L3MBTL4: variants seen among roughly 807,000 people sequenced by gnomAD.
L3MBTL4 encodes L3MBTL histone methyl-lysine binding protein 4.
A neutral mutation model predicts 84.5 loss-of-function variants in L3MBTL4; 70 were observed. The observed-to-expected ratio is 0.83, with a 90% CI of 0.68 to 1.01. L3MBTL4 has a LOEUF of 1.01. Among genes scored for constraint, L3MBTL4 ranks in the 50% least tolerant of loss-of-function variants. L3MBTL4 has a pLI of 0.00. For synonymous variants in L3MBTL4, 274 were observed against 259.8 expected, an observed-to-expected ratio of 1.05 and a Z score of -0.52; for missense variants, 715 against 754.8, an observed-to-expected ratio of 0.95 and a Z score of 0.62.
intron 5 of L3MBTL4, among the ~76,000 whole-genome samples, chr18:6,258,049 G>A (rs1161496295): frequency 1.3e-5 from 2 of 152,198 alleles, no homozygotes. Context: ...AAAGGATGCA[G>A]AGCACAGGTG....
At chr18:6,196,613 T>C (rs2045408762) in intron 12 of L3MBTL4, among the ~76,000 whole-genome samples, 1 of 152,204 alleles carries the variant, frequency 6.6e-6, no homozygotes, top group Non-Finnish European at 1.5e-5. Flanking sequence ...CATGGGGCTA[T>C]CTATCCAAAA....
At chr18:6,376,191 C>T (rs1266677376) in intron 1 of L3MBTL4, among the ~76,000 whole-genome samples, 1 of 152,182 alleles carries the variant, frequency 6.6e-6, no homozygotes, top group African/African-American at 2.4e-5. Flanking sequence ...CTCCTCAGCA[C>T]CTGTGCACTC....
chr18:6,281,894 C>T (rs1340024616), intron 4 of L3MBTL4, among the ~76,000 whole-genome samples: 1 of 152,128 alleles, frequency 6.6e-6, no homozygotes, highest in African/African-American at 2.4e-5. Flanking sequence ...CTTTAGATAA[C>T]TTGATGCTTA....
At chr18:6,091,708 C>T (rs965175630) in intron 15 of L3MBTL4, among the ~76,000 whole-genome samples, 3 of 152,124 alleles carry the variant, frequency 2.0e-5, no homozygotes, top group African/African-American at 7.2e-5. Context: ...GCTTAGCTAA[C>T]CTCTGAGAGC....
intron 12 of L3MBTL4, among the ~76,000 whole-genome samples, chr18:6,173,263 C>A (rs1458440937): frequency 6.6e-6 from 1 of 152,106 alleles, no homozygotes; most frequent in Non-Finnish European, 1.5e-5. Context: ...TATTTTCGGA[C>A]ATCGGACAAT....
intron 10 of L3MBTL4, among the ~76,000 whole-genome samples, chr18:6,234,776 A>C (rs1289856387): frequency 6.6e-6 from 1 of 151,714 alleles, no homozygotes; most frequent in Non-Finnish European, 1.5e-5. Context: ...TCAAGGATCT[A>C]GAACTAGAAA....
intron 2 of L3MBTL4, 93 bp downstream of exon 2, chr18:6,311,905 G>T: frequency 3.2e-6 from 1 of 311,416 alleles, no homozygotes; most frequent in Non-Finnish European, 6.1e-6. Flanking sequence ...TATTGCTTTT[G>T]GTCTTATCTG....
chr18:6,100,509 C>G (rs1458728715), intron 14 of L3MBTL4, among the ~76,000 whole-genome samples: 2 of 152,186 alleles, frequency 1.3e-5, no homozygotes, highest in Non-Finnish European at 2.9e-5. Flanking sequence ...TTTTCTCACT[C>G]AAGTTGAAAT....
chr18:6,360,621 A>C (rs377113308), intron 1 of L3MBTL4, among the ~76,000 whole-genome samples: 65 of 152,312 alleles, frequency 4.3e-4, no homozygotes, highest in African/African-American at 1.5e-3. Context: ...TCAAATCATA[A>C]TCCCCAATGT....
chr18:6,015,967 A>C (rs1391831290), intron 16 of L3MBTL4, among the ~76,000 whole-genome samples: 1 of 152,190 alleles, frequency 6.6e-6, no homozygotes, highest in Non-Finnish European at 1.5e-5. Flanking sequence ...CTCAAAAATA[A>C]AAAAGAAAAA....
chr18:6,044,993 A>G (rs2056552198), intron 16 of L3MBTL4, among the ~76,000 whole-genome samples: 2 of 152,352 alleles, frequency 1.3e-5, no homozygotes, highest in South Asian at 4.1e-4. Context: ...TCTAGCTGAC[A>G]ACCACCACTA....
chr18:6,091,377 T>C (rs1400130840), intron 15 of L3MBTL4, among the ~76,000 whole-genome samples: 2 of 152,218 alleles, frequency 1.3e-5, no homozygotes, highest in Non-Finnish European at 2.9e-5. Flanking sequence ...GATATTGGAA[T>C]GCAAGGATGG....
chr18:6,169,048 C>T (rs1365370992), intron 13 of L3MBTL4, among the ~76,000 whole-genome samples: 1 of 152,144 alleles, frequency 6.6e-6, no homozygotes, highest in South Asian at 2.1e-4. Context: ...CAAAAGAAGA[C>T]ATTTATGCAG....
intron 1 of L3MBTL4, among the ~76,000 whole-genome samples, chr18:6,314,036 TGATAGATAGATAGATAGATAGATAGATA>T (rs5822890): frequency 3.3e-5 from 5 of 149,790 alleles, no homozygotes; most frequent in South Asian, 2.1e-4. Context: ...GGATGGCAGA[TGATAGATAGATAGATAGATAGATAGATA>T]GATAGATAGA....
chr18:5,989,159 G>A (rs1242670695), intron 16 of L3MBTL4, among the ~76,000 whole-genome samples: 2 of 152,168 alleles, frequency 1.3e-5, no homozygotes, highest in Non-Finnish European at 2.9e-5. Context: ...TGGGCCCATG[G>A]CTGCCTGGCT....
chr18:6,015,925 A>G (rs1388474528), intron 16 of L3MBTL4, among the ~76,000 whole-genome samples: 2 of 152,192 alleles, frequency 1.3e-5, no homozygotes, highest in African/African-American at 4.8e-5. Flanking sequence ...GCACCACTGC[A>G]CTCCAGCCTG....
At chr18:6,288,603 T>C (rs79662939) in intron 4 of L3MBTL4, among the ~76,000 whole-genome samples, 3 of 152,168 alleles carry the variant, frequency 2.0e-5, no homozygotes, top group African/African-American at 7.2e-5. Flanking sequence ...TTTAATGTTA[T>C]TGATTTAATA....
intron 16 of L3MBTL4, among the ~76,000 whole-genome samples, chr18:6,011,743 G>T (rs186016245): frequency 1.3e-5 from 2 of 152,142 alleles, no homozygotes; most frequent in Non-Finnish European, 2.9e-5. Flanking sequence ...AAGGAAACAC[G>T]GTGGCTTTTA....
chr18:6,127,336 T>C (rs539717240), intron 14 of L3MBTL4, among the ~76,000 whole-genome samples: 26 of 152,208 alleles, frequency 1.7e-4, no homozygotes, highest in Non-Finnish European at 3.5e-4. Context: ...TAGTATATTT[T>C]GTGTGTGGCC....
Sources: allele counts gnomAD v4.1 joint callset (sites outside exome capture counted in the v4.1 genomes callset), GRCh38; gene constraint gnomAD v4.1.1; transcripts MANE v1.5; gene names NCBI Gene and HGNC (gene_info 2026-07-23, HGNC 2026-07-21).